The following IL16 variants were observed in gnomAD, a reference collection of about 807,000 sequenced individuals.
IL16 encodes pro-interleukin-16.
IL16 carries 67 observed loss-of-function variants against 110.1 expected under a neutral mutation model. That is an observed-to-expected ratio of 0.61 (90% confidence interval 0.50 to 0.75). IL16 has a LOEUF of 0.75. IL16 is among the 30% of genes least tolerant of loss of function. The pLI is 0.00. For synonymous variants in IL16, 689 were observed against 662.9 expected (o/e 1.04, Z -0.61); for missense variants, 1,545 against 1,655.0 (o/e 0.93, Z 1.15).
chr15:81,226,336 G>A (rs2142041260), intron 2 of IL16, among the ~76,000 whole-genome samples: 1 of 152,280 alleles, frequency 6.6e-6, no homozygotes. Flanking sequence ...TTCAATTTTT[G>A]TCATCATAAT....
chr15:81,281,190 A>G (rs1021240811), intron 8 of IL16, among the ~76,000 whole-genome samples: 3 of 152,196 alleles, frequency 2.0e-5, no homozygotes, highest in South Asian at 2.1e-4. Context: ...ATTGCCAACA[A>G]TTGTCACGGC....
chr15:81,269,462 T>C, intron 4 of IL16, 76 bp from the exon 5 acceptor site: 1 of 998,292 alleles, frequency 1.0e-6, no homozygotes, highest in Non-Finnish European at 1.6e-6. Flanking sequence ...TTGGCTGGGC[T>C]TTTCCCCTTC....
At chr15:81,194,532 A>G (rs1415881188), upstream of IL16, among the ~76,000 whole-genome samples, 1 of 151,684 alleles carries the variant, frequency 6.6e-6, no homozygotes, top group Non-Finnish European at 1.5e-5. Context: ...CAAAATTTAT[A>G]ATTTTAATTT....
chr15:81,187,286 C>G (rs1043421109), intron 1 of IL16, among the ~76,000 whole-genome samples: 1 of 152,132 alleles, frequency 6.6e-6, no homozygotes, highest in South Asian at 2.1e-4. Context: ...AAAGCACACC[C>G]CTAGCAAGGC....
At chr15:81,231,450 C>A (rs1053022664) in intron 2 of IL16, among the ~76,000 whole-genome samples, 3 of 150,802 alleles carry the variant, frequency 2.0e-5, no homozygotes, top group Non-Finnish European at 3.0e-5. Flanking sequence ...ATGGGCTCAC[C>A]ACAACCTCAA....
chr15:81,186,470 G>C (rs1268391849), intron 1 of IL16, among the ~76,000 whole-genome samples: 1 of 152,090 alleles, frequency 6.6e-6, no homozygotes, highest in East Asian at 1.9e-4. Context: ...TATCCATACT[G>C]CTCACATGCT....
chr15:81,275,746 A>G (rs1457331196), intron 6 of IL16, among the ~76,000 whole-genome samples: 1 of 152,198 alleles, frequency 6.6e-6, no homozygotes, highest in Non-Finnish European at 1.5e-5. Flanking sequence ...CTAGCCTCAA[A>G]CATTGACCAA....
Position 81,310,283 on chromosome 15 carries a change from A to G in IL16, c.*1485A>G, listed in dbSNP as rs1900784290. The stretch of plus-strand genomic sequence containing the variant: ...GATGGCTTCTCCAGGGTCCACAGGA[A>G]GTGAAGAATCTGTTTCCCAGCAGTG... On this transcript the variant is annotated 3_prime_UTR_variant, in exon 19 of 19. Coordinates refer to ENST00000683961, the MANE Select transcript of IL16 (RefSeq NM_172217.5). 1 of 152,262 alleles carries G rather than the reference A, an allele frequency of 6.6e-6. No homozygotes were observed. Among genetic ancestry groups the G allele is most frequent in the Non-Finnish European group, 1.5e-5 (1 of 68,048 alleles). 9.4% of individuals were successfully genotyped at this position (152,262 alleles called of 1,614,324 possible).
chr15:81,221,352 C>G (rs1896610013), intron 1 of IL16, among the ~76,000 whole-genome samples: 1 of 152,106 alleles, frequency 6.6e-6, no homozygotes, highest in Non-Finnish European at 1.5e-5. Flanking sequence ...GAAAATCTGG[C>G]AAGAGTTTGA....
rs746312787 is a variant in IL16 at position 81,292,648 on chromosome 15, A to G, written c.1513A>G (p.Lys505Glu). The change falls in exon 12 of 19, where the codon AAG becomes GAG. Residue 505 changes from lysine to glutamate, a missense_variant. Transcript: ENST00000683961. Reference protein sequence around the residue: ...NSAPPHRRAQKVMIRSSSDSS... With the variant: ...NSAPPHRRAQEVMIRSSSDSS... ...AGCACCCCCGCATCGCAGGGCTCAG[A>G]AGGTCATGATCCGCTCCAGCAGTGA... is the stretch of plus-strand genomic sequence containing the variant. The G allele has an allele frequency of 6.2e-7, 1 of 1,613,680 alleles. No homozygotes were observed. Among genetic ancestry groups the G allele is most frequent in the South Asian group, 1.1e-5 (1 of 91,058 alleles).
chr15:81,306,207 C>A (rs774277924), intron 17 of IL16, 41 bp downstream of exon 17: 2 of 1,595,194 alleles, frequency 1.3e-6, no homozygotes, highest in South Asian at 1.1e-5. Flanking sequence ...TGGGCCACAT[C>A]CTCTTTGGCC....
chr15:81,269,183 T>G (rs549218432), intron 4 of IL16, among the ~76,000 whole-genome samples: 38 of 151,734 alleles, frequency 2.5e-4, no homozygotes, highest in African/African-American at 9.1e-4. Flanking sequence ...CTCAGGGCGT[T>G]CTTGGTAGCT....
At chr15:81,265,948 G>A (rs1202217530) in intron 4 of IL16, 147 bp downstream of exon 4, 1 of 744,088 alleles carries the variant, frequency 1.3e-6, no homozygotes, top group African/African-American at 1.8e-5. Context: ...GTAGCTGCAA[G>A]AAGGTACAAC....
chr15:81,197,174 A>G, intron 1 of IL16, 22 bp downstream of exon 1: 1 of 1,285,242 alleles, frequency 7.8e-7, no homozygotes, highest in Non-Finnish European at 1.0e-6. Flanking sequence ...TCTGTCAGGC[A>G]GCTGCTCTGT....
intron 1 of IL16, among the ~76,000 whole-genome samples, chr15:81,222,674 A>G (rs1896655944): frequency 6.6e-6 from 1 of 152,032 alleles, no homozygotes; most frequent in African/African-American, 2.4e-5. Context: ...ATTTTAACAC[A>G]GCACTGATTA....
chr15:81,192,212 G>A (rs865953347), upstream of IL16, among the ~76,000 whole-genome samples: 3 of 152,352 alleles, frequency 2.0e-5, no homozygotes, highest in South Asian at 2.1e-4. Context: ...GAAATTGTGT[G>A]TGTGGAGAGG....
At chr15:81,182,716 C>T in exon 1 of IL16, 2 of 378,506 alleles carry the variant, frequency 5.3e-6, no homozygotes, top group Non-Finnish European at 1.0e-5. Context: ...AAAAACAGTT[C>T]TAACGAGGAG....
intron 2 of IL16, among the ~76,000 whole-genome samples, chr15:81,241,153 G>A (rs112957376): frequency 1.3e-5 from 2 of 151,882 alleles, no homozygotes; most frequent in Non-Finnish European, 2.9e-5. Context: ...TATTCCATTT[G>A]GTCAGTTTTT....
chr15:81,287,742 G>A (rs1468514854), intron 10 of IL16, among the ~76,000 whole-genome samples: 7 of 152,248 alleles, frequency 4.6e-5, no homozygotes, highest in African/African-American at 1.7e-4. Flanking sequence ...CTTGGACAGA[G>A]TGGAGTAATG....
Sources: gnomAD v4.1 joint callset for allele counts (sites outside exome capture counted in the v4.1 genomes callset) on GRCh38, gnomAD v4.1.1 for gene constraint, MANE v1.5 for transcripts, NCBI Gene and HGNC (gene_info 2026-07-23, HGNC 2026-07-21) for gene names.